The following CARD8 variants were observed in gnomAD, a reference collection of about 807,000 sequenced individuals.
CARD8 encodes the protein caspase recruitment domain-containing protein 8.
In CARD8, 38 loss-of-function variants were observed where a neutral mutation model predicts 53.2. The ratio of observed to expected loss-of-function variants is 0.71; its 90% confidence interval spans 0.55 to 0.94. The LOEUF (loss-of-function observed/expected upper bound fraction) is 0.94. CARD8 is among the 40% of genes least tolerant of loss of function. The probability of loss-of-function intolerance (pLI) is 0.00; values close to 1 mark genes in which losing one functional copy is unlikely to be tolerated. For missense variants in CARD8, 561 were observed against 655.5 expected (o/e 0.86, Z 1.57); for synonymous variants, 245 against 244.9 (o/e 1.00, Z 0.00).
intron 1 of CARD8, among the ~76,000 whole-genome samples, chr19:48,252,447 A>C (rs1311670877): frequency 3.3e-5 from 5 of 151,466 alleles, no homozygotes; most frequent in Non-Finnish European, 7.4e-5. Context: ...TAAAATACAT[A>C]TACACAAATA....
At chr19:48,226,601 C>A (rs1326526692) in intron 10 of CARD8, among the ~76,000 whole-genome samples, 1 of 152,074 alleles carries the variant, frequency 6.6e-6, no homozygotes, top group East Asian at 1.9e-4. Flanking sequence ...GGGGGTATTA[C>A]TTATTTTGCA....
intron 1 of CARD8, among the ~76,000 whole-genome samples, chr19:48,251,253 G>C (rs997757406): frequency 2.0e-5 from 3 of 152,216 alleles, no homozygotes; most frequent in Non-Finnish European, 4.4e-5. Flanking sequence ...ATTCTGCTAA[G>C]TAGAAAAGGT....
intron 5 of CARD8, among the ~76,000 whole-genome samples, chr19:48,236,758 T>G (rs73578851): frequency 0.04 from 6,067 of 152,162 alleles, 388 homozygotes; most frequent in African/African-American, 0.13. Flanking sequence ...ACTGTTTGTA[T>G]TGGGTCATTC....
At chr19:48,242,615 A>G (rs186171841) in intron 3 of CARD8, 122 of 152,288 alleles carry the variant, frequency 8.0e-4, no homozygotes, top group African/African-American at 2.9e-3. Context: ...TCAGCAGACG[A>G]TAGACATTTG....
chr19:48,214,955 A>C, intron 13 of CARD8, among the ~76,000 whole-genome samples: 1 of 151,256 alleles, frequency 6.6e-6, no homozygotes, highest in African/African-American at 2.4e-5. Context: ...CGCCCGGCTA[A>C]TTTTTTGTAT....
chr19:48,207,896 C>T (rs1022855481), downstream of CARD8, among the ~76,000 whole-genome samples: 3 of 151,502 alleles, frequency 2.0e-5, no homozygotes, highest in South Asian at 2.1e-4. Flanking sequence ...CCACCATGCC[C>T]GGCTAATTTT....
At chr19:48,255,506 T>C (rs1360452859) in intron 1 of CARD8, among the ~76,000 whole-genome samples, 1 of 152,206 alleles carries the variant, frequency 6.6e-6, no homozygotes, top group Non-Finnish European at 1.5e-5. Context: ...AAATTATTAT[T>C]ACAGAAATTA....
chr19:48,241,039 A>G lies in CARD8; in HGVS notation c.-19T>C. 6.5e-7 allele frequency: 1 copy of G among 1,528,684 alleles called. No individual in the cohort carries two copies. Among genetic ancestry groups the G allele is most frequent in the South Asian group, 1.2e-5 (1 of 83,924 alleles). 94.7% of individuals were successfully genotyped at this position (1,528,684 alleles called of 1,614,324 possible). The stretch of plus-strand genomic sequence containing the variant: ...TTTCCATTTGTCAAATGTGGTATTT[A>G]TGTCTTTACTGTATCTTTTTTACCC... On this transcript the variant is annotated 5_prime_UTR_variant, in exon 4 of 14. Coordinates refer to ENST00000651546, the MANE Select transcript of CARD8 (RefSeq NM_001184900.3).
intron 10 of CARD8, among the ~76,000 whole-genome samples, chr19:48,225,844 G>C (rs528241131): frequency 6.6e-6 from 1 of 152,208 alleles, no homozygotes; most frequent in African/African-American, 2.4e-5. Flanking sequence ...CCTGAGGTCA[G>C]GAGTTCAAGA....
At chr19:48,231,881 G>A in intron 7 of CARD8, 71 bp from the exon 8 acceptor site, 1 of 1,372,780 alleles carries the variant, frequency 7.3e-7, no homozygotes, top group Non-Finnish European at 1.0e-6. Flanking sequence ...ACTCCTGGAG[G>A]CTGAATTGCA....
At chr19:48,238,640 C>G in intron 4 of CARD8, 108 bp from the exon 5 acceptor site, 1 of 1,041,354 alleles carries the variant, frequency 9.6e-7, no homozygotes, top group South Asian at 1.6e-5. Context: ...TTAGAGATAT[C>G]CATCCTTAGA....
chr19:48,221,645 G>T, intron 11 of CARD8, 85 bp downstream of exon 11: 1 of 963,700 alleles, frequency 1.0e-6, no homozygotes, highest in South Asian at 2.9e-5. Flanking sequence ...AAAGAAAAAT[G>T]TTGCATTTTG....
At chr19:48,251,051 TG>T (rs1266418969) in intron 1 of CARD8, among the ~76,000 whole-genome samples, 2 of 152,184 alleles carry the variant, frequency 1.3e-5, no homozygotes, top group Admixed American at 1.3e-4. Flanking sequence ...GGTAACCACA[TG>T]GCCTGCTTTC....
chr19:48,218,423 T>C (rs893780354), intron 12 of CARD8, among the ~76,000 whole-genome samples: 13 of 149,182 alleles, frequency 8.7e-5, no homozygotes, highest in African/African-American at 3.2e-4. Context: ...TGTGGCACAA[T>C]CTTGGCTCAC....
chr19:48,235,994 T>C (rs1043923488), intron 5 of CARD8, among the ~76,000 whole-genome samples: 18 of 152,070 alleles, frequency 1.2e-4, no homozygotes, highest in African/African-American at 4.3e-4. Context: ...GCAAAAATCC[T>C]GAATATTTTT....
intron 12 of CARD8, 32 bp from the exon 13 acceptor site, chr19:48,215,416 T>C: frequency 6.6e-7 from 1 of 1,513,120 alleles, no homozygotes; most frequent in Non-Finnish European, 9.2e-7. Context: ...TATGATGAGA[T>C]GAGATAAATC....
intron 10 of CARD8, among the ~76,000 whole-genome samples, chr19:48,224,203 G>A (rs896819781): frequency 1.3e-5 from 2 of 151,988 alleles, no homozygotes; most frequent in Non-Finnish European, 2.9e-5. Flanking sequence ...CTCAAGATCC[G>A]CCCACCTCGG....
chr19:48,221,671 T>C, intron 11 of CARD8, 59 bp downstream of exon 11: 1 of 1,284,386 alleles, frequency 7.8e-7, no homozygotes. Context: ...ATTCTTCCAT[T>C]TGTTTCAGAA....
chr19:48,206,942 T>C (rs1457164824), downstream of CARD8, among the ~76,000 whole-genome samples: 1 of 152,042 alleles, frequency 6.6e-6, no homozygotes, highest in African/African-American at 2.4e-5. Flanking sequence ...TTCGACCTTA[T>C]CTCTTAGCGA....
Sources: allele counts gnomAD v4.1 joint callset (sites outside exome capture counted in the v4.1 genomes callset), GRCh38; gene constraint gnomAD v4.1.1; transcripts MANE v1.5; gene names NCBI Gene and HGNC (gene_info 2026-07-23, HGNC 2026-07-21).